Variants in NAALADL2 observed in about 807,000 individuals in gnomAD.
The protein encoded by NAALADL2 is N-acetylated alpha-linked acidic dipeptidase like 2.
In NAALADL2, 76 loss-of-function variants were observed where a neutral mutation model predicts 87.2. That is an observed-to-expected ratio of 0.87 (90% CI 0.72 to 1.05). The LOEUF (loss-of-function observed/expected upper bound fraction) is 1.05, where lower values mean the gene tolerates loss of function less well. Among genes scored for constraint, NAALADL2 ranks in the 50% least tolerant of loss-of-function variants. NAALADL2 has a pLI of 0.00. For synonymous variants in NAALADL2, 354 were observed against 331.0 expected (o/e 1.07, Z -0.75); for missense variants, 1,089 against 945.8 (o/e 1.15, Z -1.99).
At chr3:175,466,525 T>G (rs990534243) in intron 7 of NAALADL2, among the ~76,000 whole-genome samples, 1 of 152,198 alleles carries the variant, frequency 6.6e-6, no homozygotes, top group Admixed American at 6.5e-5. Flanking sequence ...CTGTAATTAA[T>G]TCCCTGTGGA....
chr3:175,458,813 C>T (rs1722699696), intron 6 of NAALADL2, among the ~76,000 whole-genome samples: 1 of 152,044 alleles, frequency 6.6e-6, no homozygotes, highest in Admixed American at 6.6e-5. Context: ...CACTCTATAT[C>T]AAATGTTCTG....
chr3:175,305,617 G>T (rs900531394), intron 4 of NAALADL2, among the ~76,000 whole-genome samples: 1 of 151,878 alleles, frequency 6.6e-6, no homozygotes, highest in Non-Finnish European at 1.5e-5. Flanking sequence ...CCACCTCCTC[G>T]GTTCAAGTGA....
chr3:175,002,885 C>T (rs907870333), intron 1 of NAALADL2, among the ~76,000 whole-genome samples: 33 of 152,174 alleles, frequency 2.2e-4, no homozygotes, highest in Admixed American at 2.0e-3. Context: ...GGTAATGCAG[C>T]AGGCATGTAT....
At chr3:175,285,743 T>C (rs1754898607) in intron 4 of NAALADL2, among the ~76,000 whole-genome samples, 1 of 152,280 alleles carries the variant, frequency 6.6e-6, no homozygotes, top group South Asian at 2.1e-4. Context: ...ATTTTAAATG[T>C]CATTCATTGT....
At chr3:175,249,116 G>T (rs1378083370) in intron 3 of NAALADL2, among the ~76,000 whole-genome samples, 2 of 151,886 alleles carry the variant, frequency 1.3e-5, no homozygotes, top group Non-Finnish European at 2.9e-5. Flanking sequence ...TTTATTTTTT[G>T]TGTGCGTATA....
intron 5 of NAALADL2, among the ~76,000 whole-genome samples, chr3:175,422,839 T>C (rs1715938378): frequency 6.6e-6 from 1 of 151,772 alleles, no homozygotes; most frequent in Non-Finnish European, 1.5e-5. Context: ...TTTTTGCTAA[T>C]TGCCTTTATC....
At chr3:175,550,510 C>T (rs568031566) in intron 9 of NAALADL2, among the ~76,000 whole-genome samples, 98 of 152,050 alleles carry the variant, frequency 6.4e-4, no homozygotes, top group African/African-American at 2.2e-3. Flanking sequence ...AAAACTATAG[C>T]CAAGCTATTT....
intron 5 of NAALADL2, among the ~76,000 whole-genome samples, chr3:175,368,933 A>G (rs142754658): frequency 6.6e-6 from 1 of 152,264 alleles, no homozygotes; most frequent in Non-Finnish European, 1.5e-5. Context: ...TGTATAGGGC[A>G]CTTTTCATGG....
chr3:174,781,665 TTAACA>T (rs1715996296), intron 3 of NAALADL2, among the ~76,000 whole-genome samples: 1 of 151,964 alleles, frequency 6.6e-6, no homozygotes, highest in South Asian at 2.1e-4. Flanking sequence ...TGGATAGGAC[TTAACA>T]TAAAGAGAAA....
chr3:175,638,608 C>T (rs539411733), intron 11 of NAALADL2, among the ~76,000 whole-genome samples: 1 of 152,268 alleles, frequency 6.6e-6, no homozygotes, highest in East Asian at 1.9e-4. Context: ...ATGGATTGCA[C>T]AGGTATAGCT....
intron 11 of NAALADL2, among the ~76,000 whole-genome samples, chr3:175,726,209 T>C (rs1305263318): frequency 1.4e-5 from 2 of 139,248 alleles, no homozygotes; most frequent in Admixed American, 1.5e-4. Context: ...TAAAATTTAA[T>C]AACAGATAGG....
At chr3:175,217,975 T>C in intron 2 of NAALADL2, 1 of 287,726 alleles carries the variant, frequency 3.5e-6, no homozygotes, top group South Asian at 3.2e-5. Flanking sequence ...CATGAATAGA[T>C]AGTGTCTGTG....
chr3:175,011,320 G>GAGAT (rs1491557704), intron 1 of NAALADL2, among the ~76,000 whole-genome samples: 5 of 141,726 alleles, frequency 3.5e-5, no homozygotes, highest in African/African-American at 1.0e-4. Context: ...GAGAGAGAGA[G>GAGAT]ACTAATTCTG....
intron 2 of NAALADL2, among the ~76,000 whole-genome samples, chr3:174,721,443 G>T (rs747000382): frequency 1.5e-4 from 23 of 152,140 alleles, no homozygotes; most frequent in Non-Finnish European, 2.9e-4. Context: ...GTGAGGTGAA[G>T]ACTGTGACGC....
intron 1 of NAALADL2, among the ~76,000 whole-genome samples, chr3:174,938,672 A>C (rs897765883): frequency 7.9e-5 from 12 of 152,058 alleles, no homozygotes; most frequent in African/African-American, 2.9e-4. Flanking sequence ...TTTCTCCAAA[A>C]ACTTGCCAGC....
chr3:175,785,899 G>C (rs1214469774), intron 13 of NAALADL2, among the ~76,000 whole-genome samples: 2 of 149,316 alleles, frequency 1.3e-5, no homozygotes, highest in South Asian at 4.2e-4. Flanking sequence ...GGGCAGGCCT[G>C]GTGGTGACAA....
At chr3:175,219,803 G>A (rs181155113) in intron 2 of NAALADL2, among the ~76,000 whole-genome samples, 245 of 150,322 alleles carry the variant, frequency 1.6e-3, no homozygotes, top group Non-Finnish European at 2.3e-3. Flanking sequence ...TCATGAACAT[G>A]ATATATCCCT....
intron 13 of NAALADL2, among the ~76,000 whole-genome samples, chr3:175,756,462 T>C (rs1413261083): frequency 6.6e-6 from 1 of 152,144 alleles, no homozygotes. Flanking sequence ...AAAAATGTGG[T>C]ATATGTACTC....
intron 3 of NAALADL2, among the ~76,000 whole-genome samples, chr3:174,817,188 A>G (rs1348497504): frequency 6.6e-6 from 1 of 152,232 alleles, no homozygotes; most frequent in African/African-American, 2.4e-5. Flanking sequence ...TAAAATGACA[A>G]AATAACCCAC....
Sources: gnomAD v4.1 joint callset for allele counts (sites outside exome capture counted in the v4.1 genomes callset) on GRCh38, gnomAD v4.1.1 for gene constraint, MANE v1.5 for transcripts, NCBI Gene and HGNC (gene_info 2026-07-23, HGNC 2026-07-21) for gene names.